The following LOC128092252 variants were observed in gnomAD, a reference collection of about 807,000 sequenced individuals.
chr15:50,652,848 A>G, the LOC128092252 span, among the ~76,000 whole-genome samples: 1 of 152,160 alleles, frequency 6.6e-6, no homozygotes, highest in East Asian at 1.9e-4. Context: ...AAAGAAAAAA[A>G]GGCAAAGCAT....
chr15:50,653,858 G>A, the LOC128092252 span, among the ~76,000 whole-genome samples: 1 of 152,184 alleles, frequency 6.6e-6, no homozygotes, highest in Non-Finnish European at 1.5e-5. Flanking sequence ...CACTTGCTGT[G>A]TGTGGGTCTG....
the LOC128092252 span, among the ~76,000 whole-genome samples, chr15:50,662,296 CAGCCTGGACGACAG>C: frequency 6.7e-6 from 1 of 148,950 alleles, no homozygotes; most frequent in Non-Finnish European, 1.5e-5. Context: ...GCTTGTACTC[CAGCCTGGACGACAG>C]AGCAAGACTC....
At chr15:50,653,075 C>T in the LOC128092252 span, among the ~76,000 whole-genome samples, 12,100 of 151,960 alleles carry the variant, frequency 0.08, 572 homozygotes, top group South Asian at 0.12. Flanking sequence ...CACCTGAGCC[C>T]GGGAGGTCAA....
chr15:50,654,062 A>G, the LOC128092252 span, among the ~76,000 whole-genome samples: 10 of 152,230 alleles, frequency 6.6e-5, no homozygotes, highest in Non-Finnish European at 1.5e-4. Flanking sequence ...TGAATGGACA[A>G]AAGAATCTAT....
chr15:50,658,231 T>A, the LOC128092252 span, among the ~76,000 whole-genome samples: 2 of 152,040 alleles, frequency 1.3e-5, no homozygotes, highest in Admixed American at 1.3e-4. Context: ...GGTCTCGATC[T>A]CCTGACCTTG....
chr15:50,663,198 G>A, the LOC128092252 span: 110 of 607,992 alleles, frequency 1.8e-4, 1 homozygote, highest in East Asian at 3.4e-3. Flanking sequence ...GTGTGATCTT[G>A]GCTCACCACA....
At chr15:50,661,826 A>AT in the LOC128092252 span, among the ~76,000 whole-genome samples, 2 of 152,186 alleles carry the variant, frequency 1.3e-5, no homozygotes, top group South Asian at 4.1e-4. Context: ...ATTAATTTTC[A>AT]TTTTTTCTAA....
the LOC128092252 span, among the ~76,000 whole-genome samples, chr15:50,659,675 CT>C: frequency 8.1e-5 from 12 of 149,010 alleles, no homozygotes; most frequent in Non-Finnish European, 8.9e-5. Context: ...TCTATTTTTT[CT>C]TTTTTTTTTG....
the LOC128092252 span, among the ~76,000 whole-genome samples, chr15:50,651,620 ACT>A: frequency 1.3e-5 from 2 of 152,124 alleles, no homozygotes; most frequent in African/African-American, 4.8e-5. Context: ...ACATAGTAAG[ACT>A]CTGTCTCTAA....
At chr15:50,673,079 T>TA in the LOC128092252 span, among the ~76,000 whole-genome samples, 1 of 145,606 alleles carries the variant, frequency 6.9e-6, no homozygotes, top group East Asian at 1.9e-4. Flanking sequence ...TATTATTGAA[T>TA]AAAAAAATAC....
chr15:50,655,095 G>A, the LOC128092252 span, among the ~76,000 whole-genome samples: 12 of 140,036 alleles, frequency 8.6e-5, no homozygotes, highest in Non-Finnish European at 1.2e-4. Flanking sequence ...GACATCAATA[G>A]AAATTATTCA....
At chr15:50,682,927 G>C in the LOC128092252 span, among the ~76,000 whole-genome samples, 1 of 149,310 alleles carries the variant, frequency 6.7e-6, no homozygotes, top group Non-Finnish European at 1.5e-5. Flanking sequence ...GACAGGGTCT[G>C]GTTCTGTTAC....
chr15:50,654,858 G>A, the LOC128092252 span, among the ~76,000 whole-genome samples: 2 of 149,698 alleles, frequency 1.3e-5, no homozygotes, highest in Non-Finnish European at 3.0e-5. Flanking sequence ...AAAACTACCC[G>A]GGTGTGGCAG....
the LOC128092252 span, among the ~76,000 whole-genome samples, chr15:50,669,584 T>C: frequency 6.6e-6 from 1 of 152,192 alleles, no homozygotes; most frequent in Non-Finnish European, 1.5e-5. Flanking sequence ...TGGCCAAGTA[T>C]AACAAAGCAA....
At chr15:50,683,069 G>T in the LOC128092252 span, among the ~76,000 whole-genome samples, 1 of 151,122 alleles carries the variant, frequency 6.6e-6, no homozygotes, top group Non-Finnish European at 1.5e-5. Context: ...ATTTTTTTTG[G>T]TAGAGACTGG....
At chr15:50,659,050 T>G in the LOC128092252 span, among the ~76,000 whole-genome samples, 6 of 151,948 alleles carry the variant, frequency 3.9e-5, no homozygotes, top group African/African-American at 1.5e-4. Flanking sequence ...TACAAAAAAT[T>G]AGCCAGATGT....
chr15:50,684,270 A>T, the LOC128092252 span, among the ~76,000 whole-genome samples: 1 of 151,638 alleles, frequency 6.6e-6, no homozygotes, highest in Non-Finnish European at 1.5e-5. Context: ...CTCCTGCCTT[A>T]GCCTCCTGAG....
chr15:50,668,947 C>T, the LOC128092252 span, among the ~76,000 whole-genome samples: 1 of 152,116 alleles, frequency 6.6e-6, no homozygotes, highest in South Asian at 2.1e-4. Flanking sequence ...ACTTGTAGAG[C>T]CAATTAAAAG....
the LOC128092252 span, among the ~76,000 whole-genome samples, chr15:50,684,017 G>A: frequency 6.6e-6 from 1 of 151,936 alleles, no homozygotes; most frequent in East Asian, 1.9e-4. Context: ...CCATCACGAC[G>A]CCCTGCTAAT....
Sources: gnomAD v4.1 joint callset for allele counts (sites outside exome capture counted in the v4.1 genomes callset) on GRCh38, gnomAD v4.1.1 for gene constraint, MANE v1.5 for transcripts.